DIAPH3: variants seen among roughly 807,000 people sequenced by gnomAD.
DIAPH3 encodes the protein protein diaphanous homolog 3.
DIAPH3 carries 117 observed loss-of-function variants against 144.3 expected under a neutral mutation model. The observed-to-expected ratio is 0.81, with a 90% CI of 0.70 to 0.95. The LOEUF (loss-of-function observed/expected upper bound fraction) is 0.95. Ranked by LOEUF, DIAPH3 falls within the 40% of genes least tolerant of loss-of-function variation. The probability of loss-of-function intolerance (pLI) is 0.00; values close to 1 mark genes in which losing one functional copy is unlikely to be tolerated. For synonymous variants in DIAPH3, 519 were observed against 488.9 expected (o/e 1.06, Z -0.81); for missense variants, 1,421 against 1,412.7 (o/e 1.01, Z -0.09).
intron 20 of DIAPH3, among the ~76,000 whole-genome samples, 188 bp from the exon 21 acceptor site, chr13:59,879,656 A>G (rs1313866975): frequency 6.6e-6 from 1 of 152,194 alleles, no homozygotes; most frequent in African/African-American, 2.4e-5. Context: ...GTCATCCCTC[A>G]AAACCCAAAT....
At chr13:60,017,532 GAATA>G (rs2053740581) in intron 5 of DIAPH3, among the ~76,000 whole-genome samples, 3 of 151,808 alleles carry the variant, frequency 2.0e-5, no homozygotes, top group African/African-American at 7.3e-5. Context: ...AGTGAAAAGA[GAATA>G]AAAACCAAAT....
chr13:60,119,222 A>G (rs1430432492), intron 2 of DIAPH3, among the ~76,000 whole-genome samples: 1 of 152,218 alleles, frequency 6.6e-6, no homozygotes, highest in African/African-American at 2.4e-5. Context: ...AGAACACTCA[A>G]GAACTCCTAA....
chr13:59,899,023 C>T (rs993505191), intron 20 of DIAPH3, among the ~76,000 whole-genome samples: 1 of 152,132 alleles, frequency 6.6e-6, no homozygotes, highest in Non-Finnish European at 1.5e-5. Context: ...CCATCTTTCT[C>T]CCATGCTGGA....
At chr13:59,836,291 A>G (rs1345307719) in intron 23 of DIAPH3, among the ~76,000 whole-genome samples, 2 of 151,838 alleles carry the variant, frequency 1.3e-5, no homozygotes, top group Non-Finnish European at 3.0e-5. Flanking sequence ...CATATTCTTA[A>G]TTTTCTCACC....
At chr13:59,786,331 C>T (rs1038222468) in intron 25 of DIAPH3, among the ~76,000 whole-genome samples, 1 of 151,894 alleles carries the variant, frequency 6.6e-6, no homozygotes, top group Non-Finnish European at 1.5e-5. Context: ...TACAAACTCT[C>T]CAGCTTAAAA....
intron 5 of DIAPH3, among the ~76,000 whole-genome samples, chr13:60,031,189 T>C (rs1359052707): frequency 1.3e-5 from 2 of 152,046 alleles, no homozygotes; most frequent in African/African-American, 4.8e-5. Context: ...GTAGCAGGCA[T>C]GTCACATGGC....
chr13:59,750,881 C>A (rs540161110), intron 27 of DIAPH3, among the ~76,000 whole-genome samples: 1 of 152,224 alleles, frequency 6.6e-6, no homozygotes, highest in Non-Finnish European at 1.5e-5. Flanking sequence ...GTCATCAGTA[C>A]CTTCTCAACA....
intron 17 of DIAPH3, among the ~76,000 whole-genome samples, chr13:59,934,023 G>A (rs2048148560): frequency 6.6e-6 from 1 of 151,990 alleles, no homozygotes; most frequent in African/African-American, 2.4e-5. Flanking sequence ...TTAGGAGTAA[G>A]ATTTCATATA....
At chr13:59,839,217 T>G (rs1233876443) in intron 23 of DIAPH3, 107 bp downstream of exon 23, 8 of 1,366,080 alleles carry the variant, frequency 5.9e-6, no homozygotes, top group Middle Eastern at 2.1e-4. Flanking sequence ...TTTCTGTAAT[T>G]TGGCACTACA....
At chr13:59,780,238 A>G (rs1747901708) in intron 25 of DIAPH3, among the ~76,000 whole-genome samples, 1 of 152,174 alleles carries the variant, frequency 6.6e-6, no homozygotes, top group Non-Finnish European at 1.5e-5. Flanking sequence ...CTGGAGATGT[A>G]CAGCTTCCTA....
chr13:59,708,649 C>T (rs1333826171), intron 27 of DIAPH3, among the ~76,000 whole-genome samples: 1 of 152,072 alleles, frequency 6.6e-6, no homozygotes, highest in Non-Finnish European at 1.5e-5. Context: ...CCGTATGTTC[C>T]AGGGCTGTCC....
intron 13 of DIAPH3, among the ~76,000 whole-genome samples, chr13:59,982,237 C>A (rs1335386204): frequency 4.6e-5 from 7 of 151,444 alleles, no homozygotes; most frequent in African/African-American, 1.5e-4. Context: ...ACTTATACAA[C>A]CAAATGGTGT....
intron 13 of DIAPH3, among the ~76,000 whole-genome samples, chr13:59,983,184 C>T (rs2140717222): frequency 2.4e-5 from 3 of 124,162 alleles, no homozygotes; most frequent in Admixed American, 8.5e-5. Flanking sequence ...AAGCCATCGT[C>T]TGTATGAGTC....
At chr13:60,139,987 G>A (rs1454705665) in intron 1 of DIAPH3, among the ~76,000 whole-genome samples, 1 of 152,132 alleles carries the variant, frequency 6.6e-6, no homozygotes, top group Admixed American at 6.5e-5. Context: ...GGGAATCCAA[G>A]ACCTTTTTCA....
At chr13:59,667,775 A>G (rs1290784752) in intron 27 of DIAPH3, among the ~76,000 whole-genome samples, 3 of 152,234 alleles carry the variant, frequency 2.0e-5, no homozygotes, top group African/African-American at 7.2e-5. Flanking sequence ...AAATGGCTTC[A>G]ACAAACCTGA....
At chr13:59,725,015 T>C (rs1055657331) in intron 27 of DIAPH3, among the ~76,000 whole-genome samples, 12 of 152,164 alleles carry the variant, frequency 7.9e-5, no homozygotes, top group African/African-American at 2.9e-4. Context: ...CTGTTTTTAG[T>C]TGTTAAAAGT....
At chr13:60,028,252 G>A (rs547489819) in intron 5 of DIAPH3, among the ~76,000 whole-genome samples, 1 of 151,908 alleles carries the variant, frequency 6.6e-6, no homozygotes, top group East Asian at 1.9e-4. Context: ...TCACAAGCAT[G>A]GTCAGCACTT....
intron 21 of DIAPH3, among the ~76,000 whole-genome samples, chr13:59,878,911 C>A (rs1176454026): frequency 1.3e-5 from 2 of 152,046 alleles, no homozygotes; most frequent in African/African-American, 4.8e-5. Context: ...GGTATCTGAA[C>A]TGAGTAAGTA....
At chr13:59,778,855 C>T (rs1022735290) in intron 25 of DIAPH3, among the ~76,000 whole-genome samples, 4 of 152,206 alleles carry the variant, frequency 2.6e-5, no homozygotes, top group Non-Finnish European at 5.9e-5. Context: ...ATCTTCAGTT[C>T]CCCCGGTCAC....
Sources: allele counts gnomAD v4.1 joint callset (sites outside exome capture counted in the v4.1 genomes callset), GRCh38; gene constraint gnomAD v4.1.1; transcripts MANE v1.5; gene names NCBI Gene and HGNC (gene_info 2026-07-23, HGNC 2026-07-21).